The following KATNAL2 variants were observed in gnomAD, a reference collection of about 807,000 sequenced individuals.
KATNAL2 encodes the protein katanin catalytic subunit A1 like 2.
A neutral mutation model predicts 76.3 loss-of-function variants in KATNAL2; 52 were observed. That is an observed-to-expected ratio of 0.68 (90% CI 0.55 to 0.86). KATNAL2 has a LOEUF of 0.86. Ranked by LOEUF, KATNAL2 falls within the 40% of genes least tolerant of loss-of-function variation. KATNAL2 has a pLI of 0.00. For missense variants in KATNAL2, 660 were observed against 668.9 expected (o/e 0.99, Z 0.15); for synonymous variants, 243 against 244.2 (o/e 1.00, Z 0.05).
chr18:47,036,547 C>T (rs555138324), intron 3 of KATNAL2, among the ~76,000 whole-genome samples: 4 of 152,286 alleles, frequency 2.6e-5, no homozygotes, highest in East Asian at 1.9e-4. Context: ...GTTTTATCCC[C>T]GCTTACAAAT....
intron 14 of KATNAL2, among the ~76,000 whole-genome samples, chr18:47,076,832 G>T (rs2062256207): frequency 1.3e-5 from 2 of 149,254 alleles, no homozygotes; most frequent in Non-Finnish European, 3.0e-5. Flanking sequence ...TATATATAGA[G>T]AGAGACGGTC....
chr18:46,958,259 T>C (rs2059823858), intron 3 of KATNAL2, among the ~76,000 whole-genome samples: 1 of 152,106 alleles, frequency 6.6e-6, no homozygotes, highest in Admixed American at 6.5e-5. Flanking sequence ...ACTGAAACTA[T>C]ATCATTGGCT....
At chr18:46,935,374 C>T (rs1395642012) in intron 1 of KATNAL2, among the ~76,000 whole-genome samples, 2 of 152,102 alleles carry the variant, frequency 1.3e-5, no homozygotes, top group Admixed American at 6.6e-5. Context: ...CCTTGTTTTC[C>T]TGAGGAAGCT....
chr18:47,067,808 G>A (rs2061859554), intron 11 of KATNAL2, among the ~76,000 whole-genome samples: 1 of 152,246 alleles, frequency 6.6e-6, no homozygotes, highest in African/African-American at 2.4e-5. Context: ...TGGGTAGGCA[G>A]TTGGAGCTGG....
At chr18:47,083,591 A>G (rs569490294) in intron 15 of KATNAL2, among the ~76,000 whole-genome samples, 30 of 152,316 alleles carry the variant, frequency 2.0e-4, no homozygotes, top group African/African-American at 7.0e-4. Context: ...TCCAAAGAGC[A>G]CCTTCCCTAG....
chr18:46,951,133 C>T (rs188794590), intron 3 of KATNAL2, among the ~76,000 whole-genome samples: 14 of 152,212 alleles, frequency 9.2e-5, no homozygotes, highest in South Asian at 2.1e-4. Context: ...TCTCTCAACA[C>T]GGAGAGAAAT....
At chr18:47,035,566 G>C (rs779716444) in intron 3 of KATNAL2, 6 of 596,106 alleles carry the variant, frequency 1.0e-5, no homozygotes, top group African/African-American at 1.9e-5. Flanking sequence ...TGCCAGAGCT[G>C]GGCCTTATGT....
chr18:47,092,178 T>G (rs2063029268), intron 15 of KATNAL2, among the ~76,000 whole-genome samples: 1 of 152,088 alleles, frequency 6.6e-6, no homozygotes, highest in African/African-American at 2.4e-5. Context: ...TCCTAAAATA[T>G]AAATGTAATG....
intron 3 of KATNAL2, chr18:47,035,356 C>A: frequency 2.5e-6 from 4 of 1,587,980 alleles, no homozygotes; most frequent in Non-Finnish European, 2.6e-6. Context: ...CCGGTCCTCG[C>A]TGCCCGGTCG....
At chr18:46,929,200 A>C (rs1006316552) in intron 1 of KATNAL2, among the ~76,000 whole-genome samples, 5 of 151,678 alleles carry the variant, frequency 3.3e-5, no homozygotes, top group African/African-American at 9.7e-5. Flanking sequence ...TAAATTCAGC[A>C]TAAATTATTT....
intron 3 of KATNAL2, among the ~76,000 whole-genome samples, chr18:46,953,902 T>C (rs150201621): frequency 4.3e-4 from 65 of 152,270 alleles, no homozygotes; most frequent in African/African-American, 1.2e-3. Flanking sequence ...AAATGTCAGT[T>C]ATGTGTAGGT....
chr18:47,098,438 T>A (rs1454618217), intron 15 of KATNAL2: 1 of 195,592 alleles, frequency 5.1e-6, no homozygotes, highest in Non-Finnish European at 1.1e-5. Flanking sequence ...TCAGACCTTG[T>A]GAGACTTATT....
intron 15 of KATNAL2, 123 bp downstream of exon 15, chr18:47,077,584 G>A (rs1159920649): frequency 4.4e-6 from 3 of 684,222 alleles, no homozygotes; most frequent in Non-Finnish European, 7.8e-6. Flanking sequence ...GAAGATTAAT[G>A]TGGAGGCTTT....
chr18:47,034,758 C>T (rs2060680718), intron 3 of KATNAL2: 5 of 1,612,604 alleles, frequency 3.1e-6, no homozygotes, highest in Non-Finnish European at 4.2e-6. Context: ...TTGGAGAGGC[C>T]CGATAGCGGC....
intron 1 of KATNAL2, among the ~76,000 whole-genome samples, chr18:46,918,355 T>G (rs1191381081): frequency 6.6e-6 from 1 of 152,194 alleles, no homozygotes; most frequent in Non-Finnish European, 1.5e-5. Flanking sequence ...TTTAAGGCCC[T>G]GTTTAATCAG....
intron 15 of KATNAL2, among the ~76,000 whole-genome samples, chr18:47,080,281 A>G (rs1310005478): frequency 6.6e-6 from 1 of 152,082 alleles, no homozygotes; most frequent in African/African-American, 2.4e-5. Context: ...GTACAACCCC[A>G]TTAGTTTCAT....
At chr18:47,084,545 A>C in intron 15 of KATNAL2, 1 of 610,078 alleles carries the variant, frequency 1.6e-6, no homozygotes. Flanking sequence ...GGGTTGCTCA[A>C]TGTCTTTAAA....
chr18:47,081,620 G>A (rs1312386344), intron 15 of KATNAL2, among the ~76,000 whole-genome samples: 2 of 152,180 alleles, frequency 1.3e-5, no homozygotes, highest in Non-Finnish European at 2.9e-5. Context: ...TGCTGCTGTG[G>A]CAGAAATGGA....
intron 3 of KATNAL2, chr18:47,033,713 A>C: frequency 6.2e-7 from 1 of 1,614,182 alleles, no homozygotes; most frequent in South Asian, 1.1e-5. Context: ...GCAGGCCTGG[A>C]GCCCGAGTAC....
Sources: allele counts gnomAD v4.1 joint callset (sites outside exome capture counted in the v4.1 genomes callset), GRCh38; gene constraint gnomAD v4.1.1; transcripts MANE v1.5; gene names NCBI Gene and HGNC (gene_info 2026-07-23, HGNC 2026-07-21).